The following SLC25A21 variants were observed in gnomAD, a reference collection of about 807,000 sequenced individuals.
The protein encoded by SLC25A21 is solute carrier family 25 member 21.
In SLC25A21, 47 loss-of-function variants were observed where a neutral mutation model predicts 43.8. The observed-to-expected ratio is 1.07, with a 90% CI of 0.85 to 1.37. SLC25A21 has a LOEUF of 1.37. Among genes scored for constraint, SLC25A21 ranks in the 40% most tolerant of loss-of-function variants. The pLI is 0.00. For missense variants in SLC25A21, 352 were observed against 350.2 expected, an observed-to-expected ratio of 1.00 and a Z score of -0.04; for synonymous variants, 131 against 121.3, an observed-to-expected ratio of 1.08 and a Z score of -0.52.
At chr14:36,855,134 C>T (rs1889860535) in intron 2 of SLC25A21, among the ~76,000 whole-genome samples, 1 of 152,032 alleles carries the variant, frequency 6.6e-6, no homozygotes. Context: ...CAAGCCACCC[C>T]TTGGCATGCC....
chr14:37,039,663 T>C (rs1961402653), intron 1 of SLC25A21, among the ~76,000 whole-genome samples: 2 of 152,314 alleles, frequency 1.3e-5, no homozygotes, highest in Middle Eastern at 3.4e-3. Context: ...TTGAGCCTCT[T>C]CTAAGTGGCA....
chr14:36,960,335 G>A (rs1959458195), intron 1 of SLC25A21, among the ~76,000 whole-genome samples: 1 of 151,974 alleles, frequency 6.6e-6, no homozygotes, highest in Non-Finnish European at 1.5e-5. Context: ...GAATATCTCA[G>A]GACTGAGAAA....
intron 3 of SLC25A21, among the ~76,000 whole-genome samples, chr14:36,739,075 T>A (rs986965776): frequency 3.2e-4 from 48 of 152,320 alleles, no homozygotes; most frequent in African/African-American, 1.0e-3. Context: ...TAGCTTTTTT[T>A]AAAACAACTA....
intron 1 of SLC25A21, among the ~76,000 whole-genome samples, chr14:36,889,462 G>A (rs143763543): frequency 4.5e-4 from 69 of 152,228 alleles, no homozygotes; most frequent in African/African-American, 1.6e-3. Context: ...TAGTACTGAT[G>A]GGAAACATTA....
intron 1 of SLC25A21, among the ~76,000 whole-genome samples, chr14:37,145,875 T>G (rs537334424): frequency 1.3e-5 from 2 of 152,324 alleles, no homozygotes; most frequent in East Asian, 3.9e-4. Flanking sequence ...TGACTCCTTC[T>G]TAGAGTAACC....
Position 36,779,342 on chromosome 14 carries a change from TA to T in SLC25A21, c.203+34575del, listed in dbSNP as rs1034058896. 2.1e-5 allele frequency among the ~76,000 whole-genome samples: 3 copies of T among 145,214 alleles called. 1 individual carries two copies. The highest frequency in any genetic ancestry group is 7.5e-5 in the African/African-American group (3 of 40,130). ...ATATAAAGAATATTATCCAGCCTTT[TA>T]AAAAAAGAAGGAATTATATATCTCT... On this transcript the variant is annotated intron_variant, in intron 3 of 9. Coordinates refer to ENST00000331299, the MANE Select transcript of SLC25A21 (RefSeq NM_030631.4).
At chr14:36,789,153 GAAAT>G (rs1272233714) in intron 3 of SLC25A21, among the ~76,000 whole-genome samples, 1 of 152,162 alleles carries the variant, frequency 6.6e-6, no homozygotes, top group African/African-American at 2.4e-5. Context: ...CTTGACGACA[GAAAT>G]AAATAACTTT....
intron 1 of SLC25A21, among the ~76,000 whole-genome samples, chr14:36,975,493 G>C (rs1959849216): frequency 6.6e-6 from 1 of 152,184 alleles, no homozygotes; most frequent in Non-Finnish European, 1.5e-5. Context: ...CACTGAAGTG[G>C]ACATTTCATT....
rs574928798 is a variant in SLC25A21, at chr14:37,098,973, T to C, written c.70+73308A>G. ...ATGCACAACTGCACCTGGCTAATTT[T>C]TGTATTTTTAGTAGAGACGGGGTTT... On this transcript the variant is annotated intron_variant, in intron 1 of 9. Coordinates refer to ENST00000331299, the MANE Select transcript of SLC25A21 (RefSeq NM_030631.4). Among the ~76,000 whole-genome samples, 5 of 152,094 alleles carry C rather than the reference T, an allele frequency of 3.3e-5. No individual in the cohort carries two copies. The South Asian group carries it at 1.0e-3, about 32-fold the overall frequency.
intron 1 of SLC25A21, among the ~76,000 whole-genome samples, chr14:36,997,625 T>C (rs1414822534): frequency 6.6e-6 from 1 of 152,024 alleles, no homozygotes; most frequent in Non-Finnish European, 1.5e-5. Context: ...AGTCAGGAGT[T>C]CAAGACCAGC....
chr14:37,125,889 A>G (rs1241592116), intron 1 of SLC25A21, among the ~76,000 whole-genome samples: 1 of 152,228 alleles, frequency 6.6e-6, no homozygotes, highest in Non-Finnish European at 1.5e-5. Context: ...CCAGGTACGT[A>G]GCAATTCAAA....
At chr14:36,962,482 C>A (rs1959517100) in intron 1 of SLC25A21, among the ~76,000 whole-genome samples, 2 of 152,102 alleles carry the variant, frequency 1.3e-5, no homozygotes, top group African/African-American at 4.8e-5. Context: ...TCCTCATTTC[C>A]TCTCCCTGCC....
intron 7 of SLC25A21, among the ~76,000 whole-genome samples, chr14:36,686,475 CTGA>C (rs2139143282): frequency 6.6e-6 from 1 of 152,258 alleles, no homozygotes; most frequent in South Asian, 2.1e-4. Context: ...TGTCTGACCT[CTGA>C]TGAGTCACTG....
At chr14:36,692,315 C>T (rs561122642) in intron 7 of SLC25A21, among the ~76,000 whole-genome samples, 24 of 152,130 alleles carry the variant, frequency 1.6e-4, no homozygotes, top group Non-Finnish European at 3.4e-4. Context: ...TGTCCCACAA[C>T]CTCTAAAAAT....
At chr14:36,956,800 G>A (rs1959354347) in intron 1 of SLC25A21, among the ~76,000 whole-genome samples, 1 of 152,048 alleles carries the variant, frequency 6.6e-6, no homozygotes, top group Non-Finnish European at 1.5e-5. Context: ...TGTGCTAAAT[G>A]TTTTATCATC....
At chr14:36,683,376 T>C (rs1009729067) in intron 9 of SLC25A21, among the ~76,000 whole-genome samples, 1 of 152,146 alleles carries the variant, frequency 6.6e-6, no homozygotes, top group African/African-American at 2.4e-5. Flanking sequence ...TAAAGATGAG[T>C]GGCTTTGCTG....
At chr14:36,777,350 C>G (rs545314463) in intron 3 of SLC25A21, among the ~76,000 whole-genome samples, 1 of 152,126 alleles carries the variant, frequency 6.6e-6, no homozygotes, top group Non-Finnish European at 1.5e-5. Flanking sequence ...ACAACAACAA[C>G]AAAATGACCT....
intron 1 of SLC25A21, among the ~76,000 whole-genome samples, chr14:37,113,259 A>G (rs1214279837): frequency 6.6e-6 from 1 of 152,140 alleles, no homozygotes; most frequent in Non-Finnish European, 1.5e-5. Context: ...TTTTCCTATC[A>G]TACAAACATC....
At chr14:36,956,700 A>G (rs35501864) in intron 1 of SLC25A21, among the ~76,000 whole-genome samples, 54,471 of 151,806 alleles carry the variant, frequency 0.36, 9,892 homozygotes, top group South Asian at 0.46. Context: ...TCCTCTAAGA[A>G]TCTCTGCAGA....
Sources: gnomAD v4.1 joint callset for allele counts (sites outside exome capture counted in the v4.1 genomes callset) on GRCh38, gnomAD v4.1.1 for gene constraint, MANE v1.5 for transcripts, NCBI Gene and HGNC (gene_info 2026-07-23, HGNC 2026-07-21) for gene names.